NAALADL2: variants seen among roughly 807,000 people sequenced by gnomAD.
NAALADL2 encodes the protein inactive N-acetylated-alpha-linked acidic dipeptidase-like protein 2.
Under a neutral mutation model 87.2 loss-of-function variants are expected in NAALADL2, and 76 were observed. The ratio of observed to expected loss-of-function variants is 0.87; its 90% CI spans 0.72 to 1.05. The LOEUF (loss-of-function observed/expected upper bound fraction) is 1.05, where lower values mean the gene tolerates loss of function less well. Among genes scored for constraint, NAALADL2 ranks in the 50% least tolerant of loss-of-function variants. The pLI is 0.00. For synonymous variants in NAALADL2, 354 were observed against 331.0 expected (o/e 1.07, Z -0.75); for missense variants, 1,089 against 945.8 (o/e 1.15, Z -1.99).
chr3:175,680,885 C>A (rs184038022), intron 11 of NAALADL2, among the ~76,000 whole-genome samples: 2 of 152,076 alleles, frequency 1.3e-5, no homozygotes, highest in Non-Finnish European at 2.9e-5. Context: ...GAGGCTGAGG[C>A]GGGCGGATCA....
At chr3:175,327,127 C>G (rs1760806033) in intron 5 of NAALADL2, among the ~76,000 whole-genome samples, 1 of 146,766 alleles carries the variant, frequency 6.8e-6, no homozygotes, top group Non-Finnish European at 1.5e-5. Context: ...CCTCACCCAG[C>G]TTTATCAACT....
At chr3:175,782,630 G>A (rs1296074406) in intron 13 of NAALADL2, among the ~76,000 whole-genome samples, 18 of 139,438 alleles carry the variant, frequency 1.3e-4, no homozygotes, top group African/African-American at 4.2e-4. Flanking sequence ...AGTAGGTTGC[G>A]AAAATTTTCT....
intron 2 of NAALADL2, among the ~76,000 whole-genome samples, chr3:175,146,408 T>C (rs552074502): frequency 6.6e-6 from 1 of 152,258 alleles, no homozygotes; most frequent in East Asian, 1.9e-4. Flanking sequence ...TTGTGCTTAT[T>C]TGAGTTTTAC....
intron 1 of NAALADL2, among the ~76,000 whole-genome samples, chr3:174,965,814 T>A (rs1459040121): frequency 6.6e-6 from 1 of 151,944 alleles, no homozygotes; most frequent in Non-Finnish European, 1.5e-5. Flanking sequence ...GGAGGGAAGT[T>A]GGGGTAATTT....
At chr3:174,851,376 A>T (rs933303293) in intron 3 of NAALADL2, among the ~76,000 whole-genome samples, 11 of 151,618 alleles carry the variant, frequency 7.3e-5, no homozygotes, top group African/African-American at 2.7e-4. Context: ...AAAAAAAAAA[A>T]AAAAAATCAG....
intron 3 of NAALADL2, among the ~76,000 whole-genome samples, chr3:174,810,288 T>C (rs1720027259): frequency 6.6e-6 from 1 of 152,024 alleles, no homozygotes; most frequent in Admixed American, 6.5e-5. Flanking sequence ...GACAAGAAGA[T>C]ACAGGAAAAT....
At chr3:174,826,275 A>G (rs931594263) in intron 3 of NAALADL2, among the ~76,000 whole-genome samples, 1 of 152,236 alleles carries the variant, frequency 6.6e-6, no homozygotes, top group African/African-American at 2.4e-5. Context: ...CACCTAGGAC[A>G]GGTGGCAGTA....
chr3:174,719,622 C>A (rs1456347337), intron 2 of NAALADL2, among the ~76,000 whole-genome samples: 1 of 152,092 alleles, frequency 6.6e-6, no homozygotes, highest in African/African-American at 2.4e-5. Context: ...TTTGTTAAAT[C>A]TTTTGATTAT....
chr3:175,309,419 C>G (rs1581358812), intron 4 of NAALADL2, among the ~76,000 whole-genome samples: 1 of 152,074 alleles, frequency 6.6e-6, no homozygotes, highest in African/African-American at 2.4e-5. Context: ...CTCCTGACCT[C>G]AGGTGATCCG....
At chr3:175,500,330 A>T (rs534512919) in intron 9 of NAALADL2, among the ~76,000 whole-genome samples, 70 of 152,214 alleles carry the variant, frequency 4.6e-4, no homozygotes, top group Admixed American at 4.5e-3. Flanking sequence ...AAGGTATTGA[A>T]GTAGAGATGG....
intron 1 of NAALADL2, among the ~76,000 whole-genome samples, chr3:174,880,458 A>AT (rs1331356008): frequency 1.3e-5 from 2 of 152,052 alleles, no homozygotes; most frequent in Non-Finnish European, 2.9e-5. Context: ...ATTTTGATTT[A>AT]TTTTTTTCAC....
intron 9 of NAALADL2, among the ~76,000 whole-genome samples, chr3:175,552,767 C>T (rs184920209): frequency 4.9e-4 from 75 of 151,976 alleles, no homozygotes; most frequent in Non-Finnish European, 7.5e-4. Flanking sequence ...GAATGTAATG[C>T]ATTATAACAT....
At chr3:174,456,021 A>G (rs188481567) in intron 1 of NAALADL2, among the ~76,000 whole-genome samples, 1 of 152,308 alleles carries the variant, frequency 6.6e-6, no homozygotes, top group Admixed American at 6.5e-5. Flanking sequence ...GTCTCAAGAT[A>G]CAAAGTCAGT....
intron 1 of NAALADL2, among the ~76,000 whole-genome samples, chr3:174,912,273 G>A (rs1733800615): frequency 6.6e-6 from 1 of 151,882 alleles, no homozygotes; most frequent in Admixed American, 6.6e-5. Flanking sequence ...CATCACCTAA[G>A]GAAGATGGAA....
intron 1 of NAALADL2, among the ~76,000 whole-genome samples, chr3:175,058,984 G>C (rs1018036802): frequency 5.3e-5 from 8 of 152,190 alleles, no homozygotes; most frequent in Non-Finnish European, 1.0e-4. Context: ...AATCCTCATA[G>C]TGAATTTAGA....
intron 9 of NAALADL2, among the ~76,000 whole-genome samples, chr3:175,528,381 T>C (rs550421804): frequency 6.6e-6 from 1 of 152,188 alleles, no homozygotes; most frequent in Admixed American, 6.5e-5. Flanking sequence ...AGTTTTCACA[T>C]TTTTCTGCCT....
At position 175,023,135 on chromosome 3, in the gene NAALADL2, T is replaced by C. The variant is rs191819411; in HGVS notation, c.44-73655T>C. The stretch of plus-strand genomic sequence containing the variant: ...TATTTTCAAGGTCTAAATAAATAAA[T>C]AACAAAAGACCACTCTGGACACTAG... On this transcript the variant is annotated intron_variant, in intron 1 of 13. Coordinates refer to ENST00000454872, the MANE Select transcript of NAALADL2 (RefSeq NM_207015.3). 3.8e-3 allele frequency among the ~76,000 whole-genome samples: 582 copies of C among 152,042 alleles called. 2 individuals are homozygous for C. Among genetic ancestry groups the C allele is most frequent in the Non-Finnish European group, 5.6e-3 (384 of 67,968 alleles).
chr3:174,702,577 G>T (rs150765246), intron 2 of NAALADL2, among the ~76,000 whole-genome samples: 1 of 152,212 alleles, frequency 6.6e-6, no homozygotes, highest in Non-Finnish European at 1.5e-5. Context: ...ATCATAGAGT[G>T]TACTTACACA....
rs1744400966 is a variant in NAALADL2 at position 174,976,674 on chromosome 3, G to T, written c.43+117224G>T. Among the ~76,000 whole-genome samples the T allele has an allele frequency of 2.0e-5, 3 of 152,210 alleles. No individual in the cohort carries two copies. In the South Asian group the frequency reaches 6.2e-4, roughly 31 times the overall value. ...ACCCAAACTCATTCTCTGCTTTAGA[G>T]AAACTACCATCAAATACATTCATCA... On this transcript the variant is annotated intron_variant, in intron 1 of 13. Coordinates refer to ENST00000454872, the MANE Select transcript of NAALADL2 (RefSeq NM_207015.3).
Sources: allele counts gnomAD v4.1 joint callset (sites outside exome capture counted in the v4.1 genomes callset), GRCh38; gene constraint gnomAD v4.1.1; transcripts MANE v1.5; gene names NCBI Gene and HGNC (gene_info 2026-07-23, HGNC 2026-07-21).